ZNF605: variants seen among roughly 807,000 people sequenced by gnomAD.
ZNF605 encodes zinc finger protein 605.
In ZNF605, 9 loss-of-function variants were observed where a neutral mutation model predicts 7.9. That is an observed-to-expected ratio of 1.14 (90% CI 0.68 to 1.98). The LOEUF (loss-of-function observed/expected upper bound fraction) is 1.98, where lower values mean the gene tolerates loss of function less well. Among genes scored for constraint, ZNF605 ranks in the 30% most tolerant of loss-of-function variants. The pLI is 0.00. For synonymous variants in ZNF605, 255 were observed against 260.1 expected, an observed-to-expected ratio of 0.98 and a Z score of 0.19; for missense variants, 673 against 762.4, an observed-to-expected ratio of 0.88 and a Z score of 1.38.
In ZNF605 at chr12:132,933,337, T is replaced by C. The variant is rs1952325074; in HGVS notation, c.16-182A>G. On this transcript the variant is annotated intron_variant, in intron 3 of 4. Coordinates refer to ENST00000360187, the MANE Select transcript of ZNF605 (RefSeq NM_183238.4). This position sits in a 1 kb window ranked among gnomAD's most constrained non-coding sequence, Gnocchi z 4.4. ...GGCTGGACTCACTGACTCATTGTCC[T>C]GAACAGAACAGGGAAACATGATGAG... Among the ~76,000 whole-genome samples the C allele has an allele frequency of 6.6e-6, 1 of 152,242 alleles. No homozygotes were observed. The highest frequency in any genetic ancestry group is 1.5e-5 in the Non-Finnish European group (1 of 68,044).
chr12:132,923,354 G>A lies in ZNF605; in HGVS notation c.*2019C>T, dbSNP rs1952219900. 1 of 152,076 alleles carries A rather than the reference G, an allele frequency of 6.6e-6. No homozygotes were observed. Among genetic ancestry groups the A allele is most frequent in the Non-Finnish European group, 1.5e-5 (1 of 68,024 alleles). 9.4% of individuals were successfully genotyped at this position (152,076 alleles called of 1,614,324 possible). A position where few individuals can be genotyped will look rare whatever the true frequency, so the allele number is the denominator to read the frequency against. On this transcript the variant is annotated 3_prime_UTR_variant, in exon 5 of 5. Coordinates refer to ENST00000360187, the MANE Select transcript of ZNF605 (RefSeq NM_183238.4). Reference sequence around the variant, plus strand: ...CTGCTGCCCTCAAACATCCTTTAATGTTTCCCAAAGACAGGTCTACAGGTA... The same window carrying A: ...CTGCTGCCCTCAAACATCCTTTAATATTTCCCAAAGACAGGTCTACAGGTA...
chr12:132,948,666 C>G (rs1177173343), intron 1 of ZNF605: 1 of 152,280 alleles, frequency 6.6e-6, no homozygotes, highest in Non-Finnish European at 1.5e-5. Context: ...CTCCGCTCCC[C>G]TGCCTCAAAT....
chr12:132,955,391 G>A (rs1266593113), intron 1 of ZNF605, among the ~76,000 whole-genome samples: 1 of 152,160 alleles, frequency 6.6e-6, no homozygotes, highest in Non-Finnish European at 1.5e-5. Flanking sequence ...ATGGGGAAAG[G>A]AAAGAAGCTT....
intron 3 of ZNF605, among the ~76,000 whole-genome samples, chr12:132,938,171 G>A (rs933924479): frequency 5.1e-4 from 77 of 152,124 alleles, no homozygotes; most frequent in African/African-American, 1.8e-3. Context: ...TAGTAGAGAC[G>A]GGGTTTCACC....
chr12:132,933,182 C>A lies in ZNF605; in HGVS notation c.16-27G>T. The A allele has an allele frequency of 1.3e-6, 2 of 1,584,270 alleles. No individual in the cohort carries two copies. Among genetic ancestry groups the A allele is most frequent in the Non-Finnish European group, 1.7e-6 (2 of 1,165,834 alleles). Reference sequence around the variant, plus strand: ...TGGAAAAGCATAATCCCTGTTAAACCTGAAGTGGTTCTCATTTGGTCTTGT... The same window carrying A: ...TGGAAAAGCATAATCCCTGTTAAACATGAAGTGGTTCTCATTTGGTCTTGT... On this transcript the variant is annotated intron_variant, in intron 3 of 4. Coordinates refer to ENST00000360187, the MANE Select transcript of ZNF605 (RefSeq NM_183238.4). This position sits in a 1 kb window ranked among gnomAD's most constrained non-coding sequence, Gnocchi z 4.4.
At chr12:132,954,680 A>T (rs1460993290) in intron 1 of ZNF605, among the ~76,000 whole-genome samples, 3 of 150,854 alleles carry the variant, frequency 2.0e-5, no homozygotes, top group African/African-American at 7.3e-5. Context: ...CCCCCATGAC[A>T]CCCCATTCTC....
At chr12:132,942,055 A>T (rs922872874) in intron 3 of ZNF605, among the ~76,000 whole-genome samples, 5 of 152,186 alleles carry the variant, frequency 3.3e-5, no homozygotes, top group Non-Finnish European at 7.3e-5. Context: ...TGGTTATGTA[A>T]AAATATTTTG....
At chr12:132,928,737 G>A (rs1443227754) in intron 4 of ZNF605, among the ~76,000 whole-genome samples, 9 of 152,186 alleles carry the variant, frequency 5.9e-5, no homozygotes, top group African/African-American at 2.2e-4. Flanking sequence ...GGCTGGGCCT[G>A]GTGGCAGCTC....
At chr12:132,931,263 C>T (rs1456684169) in intron 4 of ZNF605, among the ~76,000 whole-genome samples, 2 of 152,112 alleles carry the variant, frequency 1.3e-5, no homozygotes, top group Non-Finnish European at 2.9e-5. Flanking sequence ...ATAAACAAGA[C>T]CTTTCCTTAT....
At chr12:132,955,938 G>A (rs1219012858) in intron 1 of ZNF605, among the ~76,000 whole-genome samples, 6 of 151,244 alleles carry the variant, frequency 4.0e-5, no homozygotes, top group African/African-American at 1.5e-4. Flanking sequence ...GAATCGCCCA[G>A]CTGACCCCAA....
rs1015213170 is a variant in ZNF605 at position 132,927,079 on chromosome 12, C to T, written c.220G>A (p.Val74Ile). ...KSMERGHKYD[V>I]FGKIFNSSIN... ...CTTGAATTAAATATTTTTCCAAAAACATCATATTTATGGCCTCTCTCCATA... is the reference window on the plus strand; with the variant it reads ...CTTGAATTAAATATTTTTCCAAAAATATCATATTTATGGCCTCTCTCCATA... Residue 74 changes from valine to isoleucine, a missense_variant, in exon 5 of 5, where the codon GTT becomes ATT. Transcript: ENST00000360187. The T allele has an allele frequency of 7.5e-6, 12 of 1,600,956 alleles. No individual in the cohort carries two copies. The African/African-American group carries it at 1.6e-4, about 21-fold the overall frequency.
chr12:132,953,521 G>A (rs1009469860), intron 1 of ZNF605, among the ~76,000 whole-genome samples: 54 of 152,206 alleles, frequency 3.5e-4, no homozygotes, highest in African/African-American at 1.3e-3. Context: ...CTGCCTCCTG[G>A]GTTCAAGCAA....
intron 1 of ZNF605, among the ~76,000 whole-genome samples, chr12:132,954,070 G>A (rs1952604037): frequency 1.3e-5 from 2 of 151,696 alleles, no homozygotes; most frequent in Non-Finnish European, 2.9e-5. Flanking sequence ...GATGTACACT[G>A]GACCCTTTAT....
rs1379784111 is a variant in ZNF605 at position 132,925,506 on chromosome 12, A to C, written c.1793T>G (p.Phe598Cys). The stretch of plus-strand genomic sequence containing the variant: ...CCTCATAAGGTGTGACTTTCTTGTG[A>C]AAGATTTCCCACATTCACCACATTT... ...PYKCGECGKS[F>C]TRKSHLMRHQ... The change falls in exon 5 of 5, where the codon TTC becomes TGC. Residue 598 changes from phenylalanine (F) to cysteine (C), a missense_variant. Physicochemically the swap from Phe to Cys is radical, Grantham distance 205. Transcript: ENST00000360187. 2 of 1,614,144 alleles carry C rather than the reference A, an allele frequency of 1.2e-6. No individual in the cohort carries two copies. The highest frequency in any genetic ancestry group is 3.3e-5 in the Admixed American group (2 of 60,020).
chr12:132,953,794 C>G (rs925222652), intron 1 of ZNF605, among the ~76,000 whole-genome samples: 10 of 152,040 alleles, frequency 6.6e-5, no homozygotes, highest in African/African-American at 1.9e-4. Context: ...CCAGGCTTCC[C>G]TCTCACTGAC....
Position 132,925,664 on chromosome 12 carries a change from T to C in ZNF605, c.1635A>G (p.Lys545=), listed in dbSNP as rs374745405. 3.5e-5 allele frequency: 57 copies of C among 1,614,104 alleles called. No homozygotes were observed. The highest frequency in any genetic ancestry group is 4.8e-5 in the Non-Finnish European group (57 of 1,180,046). The change falls in exon 5 of 5, where the codon AAA becomes AAG. Residue 545 remains lysine, a synonymous_variant. Coordinates refer to ENST00000360187, the MANE Select transcript of ZNF605 (RefSeq NM_183238.4). ...TTCTTTGATGCTTAATGAGCTGCAC[T>C]TTCTGAACAAATGCTTTCCCACATT... ...CSECGKAFVQ[K]VQLIKHQRNH...
At chr12:132,934,380 A>T (rs920768703) in intron 3 of ZNF605, among the ~76,000 whole-genome samples, 2 of 152,154 alleles carry the variant, frequency 1.3e-5, no homozygotes, top group Non-Finnish European at 2.9e-5. Flanking sequence ...TATTTTAGGT[A>T]TCTTCCAAAA....
chr12:132,932,439 T>C (rs1952317187), intron 4 of ZNF605, among the ~76,000 whole-genome samples: 1 of 152,144 alleles, frequency 6.6e-6, no homozygotes, highest in Non-Finnish European at 1.5e-5. Context: ...GAGCCTTAAC[T>C]AAGAAAGTGG....
chr12:132,926,628 G>C lies in ZNF605; in HGVS notation c.671C>G (p.Pro224Arg), dbSNP rs964802610. The C allele has an allele frequency of 6.2e-7, 1 of 1,614,084 alleles. No individual in the cohort carries two copies. Reference protein sequence around the residue: ...VHQRTHSGEKPHGCSECQKAF... With the variant: ...VHQRTHSGEKRHGCSECQKAF... ...TTTCTGACATTCGCTGCACCCATGC[G>C]GTTTTTCTCCTGAGTGAGTTCTTTG... Residue 224 changes from proline to arginine, a missense_variant, in exon 5 of 5, where the codon CCG becomes CGG. Coordinates refer to ENST00000360187, the MANE Select transcript of ZNF605 (RefSeq NM_183238.4).
Sources: gnomAD v4.1 joint callset for allele counts (sites outside exome capture counted in the v4.1 genomes callset) on GRCh38, gnomAD v4.1.1 for gene constraint, Gnocchi (gnomAD v3.1) non-coding constraint, MANE v1.5 for transcripts, NCBI Gene and HGNC (gene_info 2026-07-23, HGNC 2026-07-21) for gene names.